Variants in KHDRBS2 observed in about 807,000 individuals in gnomAD.
KHDRBS2 encodes KH RNA binding domain containing, signal transduction associated 2.
A neutral mutation model predicts 44.3 loss-of-function variants in KHDRBS2; 26 were observed. The observed-to-expected ratio is 0.59, with a 90% confidence interval of 0.43 to 0.81. KHDRBS2 has a LOEUF of 0.81. Among genes scored for constraint, KHDRBS2 ranks in the 40% least tolerant of loss-of-function variants. The pLI, the probability that KHDRBS2 is intolerant of heterozygous loss-of-function variation, is 0.00. For synonymous variants in KHDRBS2, 194 were observed against 151.1 expected (o/e 1.28, Z -2.08); for missense variants, 476 against 433.1 (o/e 1.10, Z -0.88).
intron 6 of KHDRBS2, among the ~76,000 whole-genome samples, chr6:61,878,725 C>A (rs568861143): frequency 6.6e-6 from 1 of 152,106 alleles, no homozygotes; most frequent in East Asian, 1.9e-4. Context: ...TTAAACACTA[C>A]ATTGTTATAG....
the KHDRBS2 span, among the ~76,000 whole-genome samples, chr6:61,635,032 C>A: frequency 6.6e-6 from 1 of 151,896 alleles, no homozygotes. Flanking sequence ...TTAACAAAAT[C>A]AAAATTCCTG....
chr6:61,888,855 C>T (rs1801377403), intron 6 of KHDRBS2, among the ~76,000 whole-genome samples: 3 of 152,010 alleles, frequency 2.0e-5, no homozygotes, highest in South Asian at 2.1e-4. Flanking sequence ...GCCACCGGGC[C>T]CGGCTGGTAC....
chr6:61,720,622 C>T (rs1231954673), intron 7 of KHDRBS2, among the ~76,000 whole-genome samples: 1 of 151,814 alleles, frequency 6.6e-6, no homozygotes, highest in Non-Finnish European at 1.5e-5. Context: ...TTTTGATGGG[C>T]TTGTTTGTTT....
the KHDRBS2 span, among the ~76,000 whole-genome samples, chr6:61,642,807 T>C: frequency 2.0e-5 from 3 of 152,158 alleles, no homozygotes; most frequent in Non-Finnish European, 2.9e-5. Flanking sequence ...TTTGGAACTG[T>C]TCTAAGAATC....
intron 8 of KHDRBS2, among the ~76,000 whole-genome samples, chr6:61,690,824 G>C (rs1308193363): frequency 6.6e-6 from 1 of 151,820 alleles, no homozygotes; most frequent in African/African-American, 2.4e-5. Flanking sequence ...ATACTGATAG[G>C]AAAAAATAAA....
At chr6:61,730,365 A>G (rs1225839503) in intron 7 of KHDRBS2, among the ~76,000 whole-genome samples, 2 of 152,116 alleles carry the variant, frequency 1.3e-5, no homozygotes, top group African/African-American at 4.8e-5. Context: ...TTGTATCCCC[A>G]TGGTGTAGAA....
intron 2 of KHDRBS2, among the ~76,000 whole-genome samples, chr6:62,175,443 T>G (rs1046760711): frequency 2.6e-5 from 4 of 151,604 alleles, no homozygotes; most frequent in African/African-American, 9.7e-5. Flanking sequence ...GTTAAAAATG[T>G]AATGGTTCAC....
intron 6 of KHDRBS2, among the ~76,000 whole-genome samples, chr6:61,866,812 C>T (rs1320563603): frequency 3.9e-5 from 6 of 152,190 alleles, no homozygotes; most frequent in Admixed American, 3.9e-4. Context: ...GGGCAAAATG[C>T]TGCCAGTCTC....
chr6:61,817,304 G>A (rs1043225675), intron 6 of KHDRBS2, among the ~76,000 whole-genome samples: 1 of 152,028 alleles, frequency 6.6e-6, no homozygotes, highest in Non-Finnish European at 1.5e-5. Context: ...TAGGAGCCCA[G>A]AACTATCCCA....
chr6:61,996,522 G>A (rs1288387384), intron 3 of KHDRBS2, among the ~76,000 whole-genome samples: 1 of 151,992 alleles, frequency 6.6e-6, no homozygotes, highest in South Asian at 2.1e-4. Context: ...GGCAAATTGG[G>A]TATTCACTTT....
intron 2 of KHDRBS2, among the ~76,000 whole-genome samples, chr6:62,136,249 T>A (rs1430141655): frequency 6.6e-6 from 1 of 152,176 alleles, no homozygotes; most frequent in East Asian, 1.9e-4. Flanking sequence ...AAACAACTCA[T>A]GGAATTTGGT....
intron 6 of KHDRBS2, among the ~76,000 whole-genome samples, chr6:61,763,480 C>A (rs945123576): frequency 2.0e-5 from 3 of 152,116 alleles, no homozygotes; most frequent in Non-Finnish European, 4.4e-5. Flanking sequence ...GTTCCTGAGA[C>A]TTTGTGCTGA....
At chr6:62,105,370 G>C (rs979893628) in intron 2 of KHDRBS2, among the ~76,000 whole-genome samples, 14 of 152,156 alleles carry the variant, frequency 9.2e-5, no homozygotes, top group Non-Finnish European at 1.8e-4. Flanking sequence ...CAAAATTTTA[G>C]TTAATAGGAA....
chr6:61,927,171 C>CAAT (rs1363307444), intron 4 of KHDRBS2, among the ~76,000 whole-genome samples: 1 of 151,664 alleles, frequency 6.6e-6, no homozygotes, highest in African/African-American at 2.4e-5. Context: ...ACAACAACAA[C>CAAT]AATAATAATA....
At chr6:61,571,025 T>A in the KHDRBS2 span, among the ~76,000 whole-genome samples, 2 of 151,514 alleles carry the variant, frequency 1.3e-5, no homozygotes, top group East Asian at 3.9e-4. Context: ...AAACAAGGTA[T>A]TAAGGCAACA....
chr6:61,621,057 G>A, the KHDRBS2 span, among the ~76,000 whole-genome samples: 3 of 152,120 alleles, frequency 2.0e-5, no homozygotes, highest in Non-Finnish European at 4.4e-5. Context: ...CATTAATATA[G>A]AAGCAGTTCG....
the KHDRBS2 span, among the ~76,000 whole-genome samples, chr6:61,585,328 C>T: frequency 2.0e-5 from 3 of 152,030 alleles, no homozygotes; most frequent in Non-Finnish European, 4.4e-5. Flanking sequence ...TGTAAGCCTT[C>T]ATCCAGTGAT....
At chr6:62,045,614 G>A (rs1787501085) in intron 3 of KHDRBS2, among the ~76,000 whole-genome samples, 1 of 152,010 alleles carries the variant, frequency 6.6e-6, no homozygotes, top group African/African-American at 2.4e-5. Flanking sequence ...TTAGAACTGT[G>A]AATTACATAA....
At chr6:61,902,880 T>C (rs554263626) in intron 4 of KHDRBS2, among the ~76,000 whole-genome samples, 1 of 152,318 alleles carries the variant, frequency 6.6e-6, no homozygotes, top group African/African-American at 2.4e-5. Flanking sequence ...AGGATTTCTT[T>C]GGCACAGCTT....
Sources: allele counts gnomAD v4.1 joint callset (sites outside exome capture counted in the v4.1 genomes callset), GRCh38; gene constraint gnomAD v4.1.1; transcripts MANE v1.5; gene names NCBI Gene and HGNC (gene_info 2026-07-23, HGNC 2026-07-21).